Variants in GLRA3 observed in about 807,000 individuals in gnomAD.
GLRA3 encodes glycine receptor alpha 3.
In GLRA3, 44 loss-of-function variants were observed where a neutral mutation model predicts 60.4. The observed-to-expected ratio is 0.73, with a 90% CI of 0.57 to 0.94. The LOEUF is 0.94. GLRA3 is among the 40% of genes least tolerant of loss of function. The pLI is 0.00. For missense variants in GLRA3, 508 were observed against 564.6 expected (o/e 0.90, Z 1.02); for synonymous variants, 223 against 192.9 (o/e 1.16, Z -1.29).
chr4:174,667,341 AGAATCCTCAT>A (rs1405059181), intron 7 of GLRA3, among the ~76,000 whole-genome samples: 1 of 152,164 alleles, frequency 6.6e-6, no homozygotes, highest in Non-Finnish European at 1.5e-5. Context: ...TTCTGAAACA[AGAATCCTCAT>A]AAGCACAGAA....
Position 174,643,703 on chromosome 4 carries a change from C to T in GLRA3, c.*83G>A, listed in dbSNP as rs1016662632. 1.3e-5 allele frequency: 19 copies of T among 1,517,748 alleles called. No individual in the cohort carries two copies. Among genetic ancestry groups the T allele is most frequent in the Middle Eastern group, 2.4e-4 (1 of 4,136 alleles). 94.0% of individuals were successfully genotyped at this position (1,517,748 alleles called of 1,614,324 possible). A position where few individuals can be genotyped will look rare whatever the true frequency, so the allele number is the denominator to read the frequency against. ...TACAATGGTCATCATTTGTATACCA[C>T]ACGCACACATATACACATACACACC... On this transcript the variant is annotated 3_prime_UTR_variant, in exon 10 of 10. Coordinates refer to ENST00000274093, the MANE Select transcript of GLRA3 (RefSeq NM_006529.4).
At chr4:174,813,060 T>C (rs764232251) in intron 1 of GLRA3, among the ~76,000 whole-genome samples, 6 of 152,114 alleles carry the variant, frequency 3.9e-5, no homozygotes, top group Non-Finnish European at 7.4e-5. Flanking sequence ...AAGAAAATGG[T>C]TCAGAAATAT....
At position 174,769,772 on chromosome 4, in the gene GLRA3, T is replaced by C. The variant is rs1362135390; in HGVS notation, c.200-2742A>G. On this transcript the variant is annotated intron_variant, in intron 2 of 9. Transcript: ENST00000274093. ...TGTTTTGACAAATGCTGCATAAGGCTATGAAGCTTTTGAGAGAGTCCTTGT... is the reference window on the plus strand; with the variant it reads ...TGTTTTGACAAATGCTGCATAAGGCCATGAAGCTTTTGAGAGAGTCCTTGT... Among the ~76,000 whole-genome samples the C allele has an allele frequency of 3.3e-5, 5 of 152,140 alleles. No individual in the cohort carries two copies. The East Asian group carries it at 9.6e-4, about 29-fold the overall frequency.
intron 1 of GLRA3, among the ~76,000 whole-genome samples, chr4:174,803,022 G>T (rs1349175008): frequency 1.3e-5 from 2 of 151,986 alleles, no homozygotes; most frequent in African/African-American, 4.8e-5. Flanking sequence ...GTTATGGTGG[G>T]GTTGGGGTGG....
At chr4:174,689,053 C>T (rs2111000145) in intron 5 of GLRA3, among the ~76,000 whole-genome samples, 1 of 152,248 alleles carries the variant, frequency 6.6e-6, no homozygotes, top group South Asian at 2.1e-4. Context: ...AAGAGACATT[C>T]AATGTTTTAG....
chr4:174,823,252 A>G (rs1740818856), intron 1 of GLRA3, among the ~76,000 whole-genome samples: 1 of 11,780 alleles, frequency 8.5e-5, no homozygotes, highest in Non-Finnish European at 3.5e-4. Context: ...TCAAAAAAAA[A>G]ATGTATTTCC....
At chr4:174,656,537 C>G (rs1029011381) in intron 9 of GLRA3, among the ~76,000 whole-genome samples, 2 of 151,962 alleles carry the variant, frequency 1.3e-5, no homozygotes, top group African/African-American at 4.8e-5. Context: ...ATTTAAATAT[C>G]CTTTTATTGA....
At chr4:174,726,094 T>C (rs1303783112) in intron 4 of GLRA3, among the ~76,000 whole-genome samples, 1 of 152,248 alleles carries the variant, frequency 6.6e-6, no homozygotes, top group Admixed American at 6.5e-5. Flanking sequence ...TGATGTCCAC[T>C]GACACTATGG....
At chr4:174,820,190 A>G (rs1740685345) in intron 1 of GLRA3, among the ~76,000 whole-genome samples, 1 of 152,170 alleles carries the variant, frequency 6.6e-6, no homozygotes, top group Non-Finnish European at 1.5e-5. Context: ...CCTGAAAAGG[A>G]GAGATAAGGG....
At chr4:174,749,035 G>A (rs1737355107) in intron 3 of GLRA3, among the ~76,000 whole-genome samples, 1 of 152,104 alleles carries the variant, frequency 6.6e-6, no homozygotes, top group Non-Finnish European at 1.5e-5. Flanking sequence ...TGTCAATGGA[G>A]ATTCCCTGTC....
intron 6 of GLRA3, among the ~76,000 whole-genome samples, chr4:174,679,032 T>C (rs1207935953): frequency 6.6e-6 from 1 of 152,032 alleles, no homozygotes; most frequent in Admixed American, 6.6e-5. Context: ...AAGTTCAAAA[T>C]CACTAATCAT....
intron 3 of GLRA3, among the ~76,000 whole-genome samples, chr4:174,757,033 T>C (rs1737744027): frequency 1.3e-5 from 2 of 152,222 alleles, no homozygotes; most frequent in Non-Finnish European, 2.9e-5. Flanking sequence ...TCCATTGTTA[T>C]TTAGCATTGT....
intron 9 of GLRA3, among the ~76,000 whole-genome samples, chr4:174,648,210 T>C (rs889729468): frequency 6.6e-6 from 1 of 152,088 alleles, no homozygotes; most frequent in African/African-American, 2.4e-5. Flanking sequence ...CCTCTAATCC[T>C]AGCACTTTGA....
intron 3 of GLRA3, among the ~76,000 whole-genome samples, chr4:174,755,078 A>T (rs1737639440): frequency 6.6e-6 from 1 of 152,148 alleles, no homozygotes; most frequent in Non-Finnish European, 1.5e-5. Flanking sequence ...TGTAGCATTG[A>T]TTTATGACAA....
chr4:174,684,212 T>C (rs1734466480), intron 5 of GLRA3, among the ~76,000 whole-genome samples: 2 of 152,096 alleles, frequency 1.3e-5, no homozygotes, highest in African/African-American at 4.8e-5. Context: ...AAAAAAAGTA[T>C]ATTTTCACTA....
At chr4:174,656,631 A>G (rs1733217752) in intron 9 of GLRA3, 112 bp downstream of exon 9, 1 of 591,480 alleles carries the variant, frequency 1.7e-6, no homozygotes, top group Non-Finnish European at 3.2e-6. Flanking sequence ...AGCTTTCAAT[A>G]CAAAAGGGGC....
intron 5 of GLRA3, among the ~76,000 whole-genome samples, chr4:174,695,899 T>C (rs866783250): frequency 1.3e-5 from 2 of 152,106 alleles, no homozygotes; most frequent in East Asian, 3.9e-4. Context: ...AGTTTCAGGA[T>C]ACAAAATCAA....
At position 174,659,081 on chromosome 4, in the gene GLRA3, CAGA is replaced by C. The variant is rs1444770864; in HGVS notation, c.1041_1043del (p.Leu348del). 1 of 1,613,040 alleles carries C rather than the reference CAGA, an allele frequency of 6.2e-7. No individual in the cohort carries two copies. Among genetic ancestry groups the C allele is most frequent in the African/African-American group, 1.3e-5 (1 of 74,890 alleles). ...TATTCTTTCTCTTTCGTCGAAATCT[CAGA>C]AGTTCTTTGTGTTGTCTTGATACAA... On this transcript the variant is annotated inframe_deletion, in exon 8 of 10. Coordinates refer to ENST00000274093, the MANE Select transcript of GLRA3 (RefSeq NM_006529.4).
At chr4:174,745,087 T>C (rs12651509) in intron 3 of GLRA3, among the ~76,000 whole-genome samples, 1 of 152,136 alleles carries the variant, frequency 6.6e-6, no homozygotes, top group East Asian at 1.9e-4. Flanking sequence ...ACAGGTCTTT[T>C]GAAATAACTC....
Sources: allele counts gnomAD v4.1 joint callset (sites outside exome capture counted in the v4.1 genomes callset), GRCh38; gene constraint gnomAD v4.1.1; transcripts MANE v1.5; gene names NCBI Gene and HGNC (gene_info 2026-07-23, HGNC 2026-07-21).